RUNDC3B: variants seen among roughly 807,000 people sequenced by gnomAD.
RUNDC3B encodes RUN domain containing 3B, also known as RUN domain-containing protein 3B.
A neutral mutation model predicts 58.4 loss-of-function variants in RUNDC3B; 33 were observed. The ratio of observed to expected loss-of-function variants is 0.56; its 90% CI spans 0.43 to 0.75. The LOEUF (loss-of-function observed/expected upper bound fraction) is 0.75. RUNDC3B is among the 30% of genes least tolerant of loss of function. RUNDC3B has a pLI of 0.00. For missense variants in RUNDC3B, 501 were observed against 535.7 expected, an observed-to-expected ratio of 0.94 and a Z score of 0.64; for synonymous variants, 193 against 195.2, an observed-to-expected ratio of 0.99 and a Z score of 0.10.
At chr7:87,821,823 A>G (rs2130963166) in intron 10 of RUNDC3B, among the ~76,000 whole-genome samples, 1 of 152,328 alleles carries the variant, frequency 6.6e-6, no homozygotes, top group East Asian at 1.9e-4. Context: ...GGTGCTGGGA[A>G]AACTGGCTAG....
chr7:87,641,803 T>C (rs1348490706), intron 1 of RUNDC3B, among the ~76,000 whole-genome samples: 2 of 152,244 alleles, frequency 1.3e-5, no homozygotes, highest in Non-Finnish European at 2.9e-5. Context: ...TCTCCAGTGA[T>C]GGTGATTGTC....
intron 2 of RUNDC3B, among the ~76,000 whole-genome samples, chr7:87,661,221 G>A (rs1339835070): frequency 6.6e-6 from 1 of 151,520 alleles, no homozygotes; most frequent in African/African-American, 2.4e-5. Context: ...GCATAAATAA[G>A]GTATCCATCA....
chr7:87,725,489 A>G (rs1831170050), intron 4 of RUNDC3B, among the ~76,000 whole-genome samples: 1 of 152,192 alleles, frequency 6.6e-6, no homozygotes, highest in African/African-American at 2.4e-5. Context: ...CCAGTCTATC[A>G]TTGTTGGACA....
intron 8 of RUNDC3B, among the ~76,000 whole-genome samples, chr7:87,801,446 G>A (rs1262858086): frequency 6.6e-6 from 1 of 152,012 alleles, no homozygotes; most frequent in Non-Finnish European, 1.5e-5. Flanking sequence ...TTTTACCTGG[G>A]ATGAGCCTCT....
At position 87,700,253 on chromosome 7, in the gene RUNDC3B, GATAGA is replaced by G. The variant is rs1370785831; in HGVS notation, c.239-163_239-159del. 6.6e-5 allele frequency among the ~76,000 whole-genome samples: 10 copies of G among 152,242 alleles called. No homozygotes were observed. The East Asian group carries it at 1.7e-3, about 26-fold the overall frequency. On this transcript the variant is annotated intron_variant, in intron 2 of 10. Coordinates refer to ENST00000394654, the MANE Select transcript of RUNDC3B (RefSeq NM_001134405.2). ...TTCCAAACTAACACCACTAGTTAAA[GATAGA>G]ATAGGACTAGATTTGAGGCTTTTTG...
intron 10 of RUNDC3B, among the ~76,000 whole-genome samples, chr7:87,829,352 A>G (rs1838010107): frequency 2.0e-5 from 3 of 151,844 alleles, no homozygotes; most frequent in Admixed American, 2.0e-4. Flanking sequence ...GTTTTGTTGC[A>G]ATTGCTTTTA....
At chr7:87,695,400 G>A (rs1403358603) in intron 2 of RUNDC3B, among the ~76,000 whole-genome samples, 2 of 151,966 alleles carry the variant, frequency 1.3e-5, no homozygotes, top group African/African-American at 4.8e-5. Context: ...AAGAAACTTG[G>A]GATTGCTGCT....
intron 2 of RUNDC3B, among the ~76,000 whole-genome samples, chr7:87,663,651 A>G (rs1014510697): frequency 1.3e-5 from 2 of 152,146 alleles, no homozygotes; most frequent in African/African-American, 2.4e-5. Flanking sequence ...TGAACTTAGG[A>G]TGTTAGACAA....
chr7:87,718,091 C>A (rs924843510), intron 4 of RUNDC3B, among the ~76,000 whole-genome samples: 1 of 152,046 alleles, frequency 6.6e-6, no homozygotes, highest in Admixed American at 6.6e-5. Context: ...TAGGAGGACT[C>A]ATAGTCTTAT....
At chr7:87,714,326 C>A (rs1191192932) in intron 4 of RUNDC3B, among the ~76,000 whole-genome samples, 6 of 152,042 alleles carry the variant, frequency 3.9e-5, no homozygotes, top group African/African-American at 1.5e-4. Context: ...GATATACCAG[C>A]ATTTATTATT....
Position 87,725,819 on chromosome 7 carries a change from A to G in RUNDC3B, c.459-13972A>G, listed in dbSNP as rs1161187894. Among the ~76,000 whole-genome samples, 4 of 152,188 alleles carry G rather than the reference A, an allele frequency of 2.6e-5. No homozygotes were observed. In the East Asian group the frequency reaches 7.7e-4, roughly 29 times the overall value. ...GAGATGGTACCTCACTGTGGTTTTG[A>G]TTTGCATTTCTCTGATGGCCAGTGA... is the stretch of plus-strand genomic sequence containing the variant. On this transcript the variant is annotated intron_variant, in intron 4 of 10. Coordinates refer to ENST00000394654, the MANE Select transcript of RUNDC3B (RefSeq NM_001134405.2).
At chr7:87,764,544 T>C (rs1246518008) in intron 6 of RUNDC3B, among the ~76,000 whole-genome samples, 2 of 151,804 alleles carry the variant, frequency 1.3e-5, no homozygotes, top group Non-Finnish European at 3.0e-5. Flanking sequence ...GGTAATTATA[T>C]GACCTTTGTC....
rs1838102244 is a variant in RUNDC3B, at chr7:87,831,078, T to C, written c.*1048T>C. ...ACACTTATACACAGGTAAAATTAGT[T>C]TTTTTTTTTTTAAAGTTGTAATCTG... On this transcript the variant is annotated 3_prime_UTR_variant, in exon 11 of 11. Coordinates refer to ENST00000394654, the MANE Select transcript of RUNDC3B (RefSeq NM_001134405.2). The C allele has an allele frequency of 1.6e-5, 2 of 126,948 alleles. No individual in the cohort carries two copies. Among genetic ancestry groups the C allele is most frequent in the South Asian group, 4.8e-4 (2 of 4,150 alleles). 7.9% of individuals were successfully genotyped at this position (126,948 alleles called of 1,614,324 possible).
chr7:87,822,282 A>G (rs1403410750), intron 10 of RUNDC3B, among the ~76,000 whole-genome samples: 1 of 152,230 alleles, frequency 6.6e-6, no homozygotes, highest in Non-Finnish European at 1.5e-5. Context: ...AAAACACATG[A>G]AAAAATGCTC....
intron 2 of RUNDC3B, among the ~76,000 whole-genome samples, chr7:87,669,745 A>G (rs776284956): frequency 6.6e-6 from 1 of 152,194 alleles, no homozygotes; most frequent in Non-Finnish European, 1.5e-5. Flanking sequence ...CTTTGGCTGT[A>G]TATGAAATTC....
intron 2 of RUNDC3B, among the ~76,000 whole-genome samples, chr7:87,687,980 G>T (rs572952193): frequency 6.6e-6 from 1 of 152,188 alleles, no homozygotes; most frequent in South Asian, 2.1e-4. Context: ...GACTTAAATT[G>T]TTTCTGTAGT....
At chr7:87,816,056 C>G in intron 9 of RUNDC3B, 85 bp from the exon 10 acceptor site, 1 of 933,908 alleles carries the variant, frequency 1.1e-6, no homozygotes, top group Non-Finnish European at 1.6e-6. Context: ...AGAAATTTAA[C>G]ATATTGAAAA....
At chr7:87,632,624 C>T (rs1322149954) in intron 1 of RUNDC3B, among the ~76,000 whole-genome samples, 1 of 152,094 alleles carries the variant, frequency 6.6e-6, no homozygotes, top group Non-Finnish European at 1.5e-5. Flanking sequence ...TTTAGAACTT[C>T]AGAAAATTAA....
At chr7:87,795,300 A>C (rs546417133) in intron 8 of RUNDC3B, among the ~76,000 whole-genome samples, 1 of 152,210 alleles carries the variant, frequency 6.6e-6, no homozygotes. Flanking sequence ...AAATTATCTG[A>C]TTAAAAAGTG....
Sources: gnomAD v4.1 joint callset for allele counts (sites outside exome capture counted in the v4.1 genomes callset) on GRCh38, gnomAD v4.1.1 for gene constraint, MANE v1.5 for transcripts, NCBI Gene and HGNC (gene_info 2026-07-23, HGNC 2026-07-21) for gene names.